The following RABGAP1 variants were observed in gnomAD, a reference collection of about 807,000 sequenced individuals.
RABGAP1 encodes the protein RAB GTPase activating protein 1.
In RABGAP1, 23 loss-of-function variants were observed where a neutral mutation model predicts 137.6. That is an observed-to-expected ratio of 0.17 (90% CI 0.12 to 0.24). The LOEUF (loss-of-function observed/expected upper bound fraction) is 0.24, where lower values mean the gene tolerates loss of function less well. Among genes scored for constraint, RABGAP1 ranks in the 10% least tolerant of loss-of-function variants. The pLI, the probability that RABGAP1 is intolerant of heterozygous loss-of-function variation, is 1.00. For missense variants in RABGAP1, 906 were observed against 1,275.8 expected (o/e 0.71, Z 4.42); for synonymous variants, 451 against 450.7 (o/e 1.00, Z -0.01).
chr9:123,077,809 G>A (rs139873760), intron 19 of RABGAP1, among the ~76,000 whole-genome samples: 95 of 151,810 alleles, frequency 6.3e-4, no homozygotes, highest in African/African-American at 2.1e-3. Flanking sequence ...ACTTATTTAG[G>A]GCTCAGTTTC....
chr9:122,991,817 G>A (rs1170859583), intron 6 of RABGAP1, among the ~76,000 whole-genome samples: 9 of 151,708 alleles, frequency 5.9e-5, no homozygotes, highest in African/African-American at 1.9e-4. Context: ...CATTGCCCAG[G>A]TTGGTCTTGA....
chr9:122,988,279 A>G (rs1836470610), intron 4 of RABGAP1, among the ~76,000 whole-genome samples: 1 of 152,184 alleles, frequency 6.6e-6, no homozygotes, highest in African/African-American at 2.4e-5. Context: ...TATTTCCGTG[A>G]TGAGCAAGGC....
At chr9:122,954,375 C>T (rs918613256) in intron 1 of RABGAP1, among the ~76,000 whole-genome samples, 2 of 152,208 alleles carry the variant, frequency 1.3e-5, no homozygotes, top group Non-Finnish European at 2.9e-5. Context: ...TTTTGATAAA[C>T]CTCATTCCTG....
chr9:123,015,695 C>G, intron 12 of RABGAP1, 59 bp downstream of exon 12: 1 of 1,180,776 alleles, frequency 8.5e-7, no homozygotes, highest in African/African-American at 1.5e-5. Context: ...GGTAGAGAAT[C>G]TTACCTAACT....
chr9:123,046,665 A>G (rs761589527), intron 13 of RABGAP1, among the ~76,000 whole-genome samples: 55 of 152,364 alleles, frequency 3.6e-4, no homozygotes, highest in Non-Finnish European at 6.2e-4. Context: ...CACTCAGTAC[A>G]TGTTAGCTGG....
Position 122,948,912 on chromosome 9 carries a change from C to A in RABGAP1, c.-50+7819C>A, listed in dbSNP as rs186227200. Among the ~76,000 whole-genome samples the A allele has an allele frequency of 3.9e-5, 6 of 152,260 alleles. No individual in the cohort carries two copies. In the East Asian group the frequency reaches 1.2e-3, roughly 29 times the overall value. Reference sequence around the variant, plus strand: ...TATTCAACCAACCAAATTTATTGAACACTGCCCGTAAGTAAGGAAATGAAA... The same window carrying A: ...TATTCAACCAACCAAATTTATTGAAAACTGCCCGTAAGTAAGGAAATGAAA... On this transcript the variant is annotated intron_variant, in intron 1 of 25. Transcript: ENST00000373647.
At chr9:123,052,727 C>T (rs371969467) in intron 13 of RABGAP1, among the ~76,000 whole-genome samples, 298 of 152,070 alleles carry the variant, frequency 2.0e-3, no homozygotes, top group African/African-American at 6.3e-3. Context: ...GCTAGGAGTT[C>T]GAGACCAGCC....
intron 12 of RABGAP1, among the ~76,000 whole-genome samples, chr9:123,018,161 A>AT (rs1461514924): frequency 2.6e-5 from 4 of 152,044 alleles, no homozygotes; most frequent in Non-Finnish European, 5.9e-5. Flanking sequence ...CGTCCGGCTA[A>AT]TTTTTTGTAT....
intron 13 of RABGAP1, among the ~76,000 whole-genome samples, chr9:123,060,891 ATAT>A (rs1263414530): frequency 6.6e-6 from 1 of 152,234 alleles, no homozygotes; most frequent in Non-Finnish European, 1.5e-5. Context: ...GTTCAAAGAG[ATAT>A]ACATTTCAAG....
intron 10 of RABGAP1, among the ~76,000 whole-genome samples, chr9:123,005,722 A>C (rs909681905): frequency 6.6e-6 from 1 of 152,120 alleles, no homozygotes; most frequent in African/African-American, 2.4e-5. Flanking sequence ...TGCAGTGTGG[A>C]ATCTTATGTA....
At chr9:122,956,214 C>A (rs2131619497) in intron 1 of RABGAP1, among the ~76,000 whole-genome samples, 1 of 152,242 alleles carries the variant, frequency 6.6e-6, no homozygotes, top group East Asian at 1.9e-4. Flanking sequence ...TAAGGTATTT[C>A]CCAGCTCTAG....
chr9:123,044,506 T>C (rs935828494), intron 13 of RABGAP1, among the ~76,000 whole-genome samples: 20 of 152,138 alleles, frequency 1.3e-4, no homozygotes, highest in Admixed American at 2.6e-4. Flanking sequence ...TACGCCTCCA[T>C]AGGTGTCTGT....
rs76077563 is a variant in RABGAP1, at chr9:123,006,428, T to C, written c.1375-3926T>C. 6.3e-3 allele frequency among the ~76,000 whole-genome samples: 956 copies of C among 152,308 alleles called. 13 individuals are homozygous for C. Among genetic ancestry groups the C allele is most frequent in the African/African-American group, 0.022 (920 of 41,566 alleles). ...GATTTAATCTTTTTCCAAATGGCTA[T>C]TCTCTTGTCCCAACACCATTCATTA... On this transcript the variant is annotated intron_variant, in intron 10 of 25. Coordinates refer to ENST00000373647, the MANE Select transcript of RABGAP1 (RefSeq NM_012197.4).
intron 13 of RABGAP1, among the ~76,000 whole-genome samples, chr9:123,044,529 A>G (rs2033112978): frequency 6.6e-6 from 1 of 151,998 alleles, no homozygotes; most frequent in Non-Finnish European, 1.5e-5. Context: ...GGAACTTTTC[A>G]GATTTTGTAA....
rs80082091 is a variant in RABGAP1, at chr9:122,975,551, G to A, written c.151-8934G>A. Among the ~76,000 whole-genome samples, 523 of 152,274 alleles carry A rather than the reference G, an allele frequency of 3.4e-3. 1 individual carries two copies. Among genetic ancestry groups the A allele is most frequent in the African/African-American group, 0.012 (503 of 41,558 alleles). On this transcript the variant is annotated intron_variant, in intron 2 of 25. Coordinates refer to ENST00000373647, the MANE Select transcript of RABGAP1 (RefSeq NM_012197.4). Reference sequence around the variant, plus strand: ...ATGCTGCTTTTGTACATGAATAGTAGGTGTGTTCTTAGAGTTTCTTTGGGC... The same window carrying A: ...ATGCTGCTTTTGTACATGAATAGTAAGTGTGTTCTTAGAGTTTCTTTGGGC...
chr9:123,056,068 C>T (rs1190980649), intron 13 of RABGAP1, among the ~76,000 whole-genome samples: 1 of 152,152 alleles, frequency 6.6e-6, no homozygotes, highest in Admixed American at 6.5e-5. Context: ...AATCAGCCAG[C>T]CATTTCTCCA....
At chr9:123,064,773 A>G (rs2034112789) in intron 13 of RABGAP1, among the ~76,000 whole-genome samples, 1 of 152,228 alleles carries the variant, frequency 6.6e-6, no homozygotes, top group Admixed American at 6.5e-5. Flanking sequence ...GTTTTTGTCC[A>G]TTGGAAAAAG....
At chr9:122,942,679 A>AAAAAAAC (rs1554781077) in intron 1 of RABGAP1, among the ~76,000 whole-genome samples, 4 of 151,132 alleles carry the variant, frequency 2.6e-5, no homozygotes, top group Non-Finnish European at 4.4e-5. Context: ...CAAAAAAAAA[A>AAAAAAAC]AAAAAAAAAC....
chr9:123,035,982 A>G (rs2032636770), intron 13 of RABGAP1, among the ~76,000 whole-genome samples: 1 of 152,204 alleles, frequency 6.6e-6, no homozygotes, highest in East Asian at 1.9e-4. Context: ...CATTTTAAAA[A>G]GTCATCACTT....
Sources: allele counts gnomAD v4.1 joint callset (sites outside exome capture counted in the v4.1 genomes callset), GRCh38; gene constraint gnomAD v4.1.1; transcripts MANE v1.5; gene names NCBI Gene and HGNC (gene_info 2026-07-23, HGNC 2026-07-21).